The following KIF26B variants were observed in gnomAD, a reference collection of about 807,000 sequenced individuals.
KIF26B encodes kinesin-like protein KIF26B.
A neutral mutation model predicts 151.2 loss-of-function variants in KIF26B; 63 were observed. The ratio of observed to expected loss-of-function variants is 0.42; its 90% CI spans 0.34 to 0.51. KIF26B has a LOEUF of 0.51. Among genes scored for constraint, KIF26B ranks in the 20% least tolerant of loss-of-function variants. The probability of loss-of-function intolerance (pLI) is 0.07; values close to 1 mark genes in which losing one functional copy is unlikely to be tolerated. For missense variants in KIF26B, 2,813 were observed against 2,913.6 expected (o/e 0.97, Z 0.79); for synonymous variants, 1,357 against 1,262.1 (o/e 1.08, Z -1.59).
At chr1:245,343,423 G>T (rs1050643593) in intron 2 of KIF26B, among the ~76,000 whole-genome samples, 6 of 151,314 alleles carry the variant, frequency 4.0e-5, no homozygotes, top group Non-Finnish European at 5.9e-5. Context: ...TTCTGCCTCT[G>T]CTCTGCCAGG....
chr1:245,503,715 G>A lies in KIF26B; in HGVS notation c.1167-37052G>A, dbSNP rs115878924. Among the ~76,000 whole-genome samples, 690 of 152,294 alleles carry A rather than the reference G, an allele frequency of 4.5e-3. 3 individuals carry two copies. The highest frequency in any genetic ancestry group is 0.012 in the African/African-American group (478 of 41,560). On this transcript the variant is annotated intron_variant, in intron 4 of 14. Coordinates refer to ENST00000407071, the MANE Select transcript of KIF26B (RefSeq NM_018012.4). ...CGGTGATGGGTGTGTTGGAAGCACC[G>A]GCTGGACCAATGGACTTGGAGCTAG... is the stretch of plus-strand genomic sequence containing the variant.
chr1:245,188,153 G>A (rs1015509662), intron 2 of KIF26B, among the ~76,000 whole-genome samples: 2 of 151,940 alleles, frequency 1.3e-5, no homozygotes, highest in African/African-American at 2.4e-5. Context: ...GGTGGCACAC[G>A]CTTGTAATCC....
chr1:245,390,946 A>AAC (rs1553270138), intron 3 of KIF26B, among the ~76,000 whole-genome samples: 15 of 148,192 alleles, frequency 1.0e-4, no homozygotes, highest in African/African-American at 3.7e-4. Flanking sequence ...AAAAAAAAAA[A>AAC]AAAAAACCAC....
In KIF26B at chr1:245,363,195, T is replaced by A. The variant is rs185273998; in HGVS notation, c.466-3639T>A. On this transcript the variant is annotated intron_variant, in intron 2 of 14. Coordinates refer to ENST00000407071, the MANE Select transcript of KIF26B (RefSeq NM_018012.4). ...GCATCTATGGCTCTGAAGACTTCTTTTCTCTCTCTCTCTCTTTTTGAGACG... is the reference window on the plus strand; with the variant it reads ...GCATCTATGGCTCTGAAGACTTCTTATCTCTCTCTCTCTCTTTTTGAGACG... 2.7e-4 allele frequency among the ~76,000 whole-genome samples: 41 copies of A among 151,930 alleles called. 1 individual carries two copies. Among genetic ancestry groups the A allele is most frequent in the Admixed American group, 2.2e-3 (34 of 15,256 alleles).
At chr1:245,624,963 G>A (rs1290352464) in intron 9 of KIF26B, among the ~76,000 whole-genome samples, 1 of 151,978 alleles carries the variant, frequency 6.6e-6, no homozygotes, top group Non-Finnish European at 1.5e-5. Context: ...GAGGTTAGGT[G>A]TTTTTTTGTG....
chr1:245,619,345 T>C (rs2043631559), intron 9 of KIF26B, among the ~76,000 whole-genome samples: 1 of 152,238 alleles, frequency 6.6e-6, no homozygotes, highest in Non-Finnish European at 1.5e-5. Context: ...GCTGTGGTTT[T>C]AAAAATGATT....
chr1:245,362,616 C>T (rs1280789847), intron 2 of KIF26B, among the ~76,000 whole-genome samples: 4 of 151,836 alleles, frequency 2.6e-5, no homozygotes, highest in Non-Finnish European at 5.9e-5. Context: ...ATTTCAGATG[C>T]TTAAATTCTC....
chr1:245,636,677 T>C (rs1465799217), intron 9 of KIF26B, among the ~76,000 whole-genome samples: 1 of 152,068 alleles, frequency 6.6e-6, no homozygotes, highest in Non-Finnish European at 1.5e-5. Context: ...CAGCCTCTGG[T>C]AGCCACTCTT....
chr1:245,592,655 G>A (rs1296441606), intron 5 of KIF26B, among the ~76,000 whole-genome samples: 1 of 140,360 alleles, frequency 7.1e-6, no homozygotes, highest in Non-Finnish European at 1.5e-5. Context: ...CCCCTCATCT[G>A]CCCTCCCACC....
intron 4 of KIF26B, among the ~76,000 whole-genome samples, chr1:245,453,549 G>A (rs917460058): frequency 6.6e-6 from 1 of 152,130 alleles, no homozygotes; most frequent in Non-Finnish European, 1.5e-5. Flanking sequence ...TTCTGTCTAT[G>A]TCTTCTTGCA....
At chr1:245,508,728 G>A (rs1000445544) in intron 4 of KIF26B, among the ~76,000 whole-genome samples, 6 of 152,058 alleles carry the variant, frequency 3.9e-5, no homozygotes, top group East Asian at 3.9e-4. Context: ...CTGTTTAGGC[G>A]ATTTCTTTGT....
chr1:245,510,576 TTCTC>T (rs4021193), intron 4 of KIF26B, among the ~76,000 whole-genome samples: 19,432 of 133,776 alleles, frequency 0.15, 1,495 homozygotes, highest in South Asian at 0.23. Flanking sequence ...TTAGCAGAGC[TTCTC>T]TCTCTCTCTC....
chr1:245,322,567 G>T (rs181850859), intron 2 of KIF26B, among the ~76,000 whole-genome samples: 115 of 152,232 alleles, frequency 7.6e-4, no homozygotes, highest in African/African-American at 2.7e-3. Flanking sequence ...GTACTCTAAA[G>T]TCAGCATGAT....
chr1:245,350,342 A>C (rs1558398399), intron 2 of KIF26B, among the ~76,000 whole-genome samples: 1 of 152,170 alleles, frequency 6.6e-6, no homozygotes, highest in Non-Finnish European at 1.5e-5. Flanking sequence ...GGATAACTTA[A>C]GGACTCACCA....
Position 245,375,292 on chromosome 1 carries a change from G to C in KIF26B, c.999+7925G>C, listed in dbSNP as rs940644481. Reference sequence around the variant, plus strand: ...AGGTTTCACCATGTTGTCCAGGCTGGTCTCAAACTCCTGACCTCAGGTGAT... The same window carrying C: ...AGGTTTCACCATGTTGTCCAGGCTGCTCTCAAACTCCTGACCTCAGGTGAT... On this transcript the variant is annotated intron_variant, in intron 3 of 14. Transcript: ENST00000407071. This position sits in a 1 kb window ranked among gnomAD's most constrained non-coding sequence, Gnocchi z 4.2. Among the ~76,000 whole-genome samples, 8 of 152,122 alleles carry C rather than the reference G, an allele frequency of 5.3e-5. No individual in the cohort carries two copies. Among genetic ancestry groups the C allele is most frequent in the African/African-American group, 1.9e-4 (8 of 41,434 alleles).
intron 5 of KIF26B, among the ~76,000 whole-genome samples, chr1:245,549,369 A>G (rs138679865): frequency 0.015 from 2,357 of 152,342 alleles, 24 homozygotes; most frequent in Non-Finnish European, 0.027. Flanking sequence ...TTATAATGCC[A>G]GAATAGGGCT....
At chr1:245,421,585 G>A (rs142420055) in intron 4 of KIF26B, among the ~76,000 whole-genome samples, 7 of 152,214 alleles carry the variant, frequency 4.6e-5, no homozygotes, top group African/African-American at 1.7e-4. Flanking sequence ...ATTGACTTCC[G>A]ACGTGCCTTT....
At chr1:245,658,802 C>T (rs2044102321) in intron 10 of KIF26B, among the ~76,000 whole-genome samples, 1 of 152,148 alleles carries the variant, frequency 6.6e-6, no homozygotes, top group Admixed American at 6.5e-5. Context: ...ATCTCCTTTC[C>T]CCCCTCCTAA....
chr1:245,631,682 C>G (rs2043783092), intron 9 of KIF26B, among the ~76,000 whole-genome samples: 1 of 152,146 alleles, frequency 6.6e-6, no homozygotes, highest in South Asian at 2.1e-4. Flanking sequence ...TTACTTTACT[C>G]CTTAATTCTA....
Sources: allele counts gnomAD v4.1 joint callset (sites outside exome capture counted in the v4.1 genomes callset), GRCh38; gene constraint gnomAD v4.1.1; non-coding constraint Gnocchi (gnomAD v3.1); transcripts MANE v1.5; gene names NCBI Gene and HGNC (gene_info 2026-07-23, HGNC 2026-07-21).